The following PPP2R2A variants were observed in gnomAD, a reference collection of about 807,000 sequenced individuals.
PPP2R2A encodes serine/threonine-protein phosphatase 2A 55 kDa regulatory subunit B alpha isoform.
In PPP2R2A, 9 loss-of-function variants were observed where a neutral mutation model predicts 53.2. The ratio of observed to expected loss-of-function variants is 0.17; its 90% CI spans 0.10 to 0.30. PPP2R2A has a LOEUF of 0.30. PPP2R2A is among the 10% of genes least tolerant of loss of function. The pLI is 1.00. For missense variants in PPP2R2A, 235 were observed against 534.6 expected (o/e 0.44, Z 5.53); for synonymous variants, 169 against 174.2 (o/e 0.97, Z 0.23).
intron 2 of PPP2R2A, among the ~76,000 whole-genome samples, chr8:26,299,433 ATTATC>A (rs1164495561): frequency 3.3e-5 from 5 of 152,332 alleles, no homozygotes; most frequent in Admixed American, 1.3e-4. Context: ...ATTTTAGGAT[ATTATC>A]TTATAAAGTC....
At chr8:26,363,112 C>G in intron 7 of PPP2R2A, 1 of 294,018 alleles carries the variant, frequency 3.4e-6, no homozygotes, top group Non-Finnish European at 6.3e-6. Flanking sequence ...CGGTTGGGCT[C>G]TGTAACCTTG....
intron 2 of PPP2R2A, among the ~76,000 whole-genome samples, chr8:26,313,953 AC>A (rs1802415486): frequency 2.0e-5 from 3 of 152,212 alleles, no homozygotes; most frequent in Non-Finnish European, 4.4e-5. Flanking sequence ...TAGGAAACTC[AC>A]GCAGGAGTGG....
chr8:26,361,630 CA>C (rs1805089082), intron 6 of PPP2R2A, among the ~76,000 whole-genome samples: 1 of 151,868 alleles, frequency 6.6e-6, no homozygotes, highest in East Asian at 1.9e-4. Context: ...TTCTTCTAAT[CA>C]AATGTATGAA....
At chr8:26,315,938 T>C (rs549911244) in intron 2 of PPP2R2A, among the ~76,000 whole-genome samples, 2 of 152,334 alleles carry the variant, frequency 1.3e-5, no homozygotes, top group African/African-American at 4.8e-5. Context: ...TTCTATGCAA[T>C]AGAAAAGGGG....
At chr8:26,305,653 T>C (rs1158456326) in intron 2 of PPP2R2A, among the ~76,000 whole-genome samples, 2 of 152,148 alleles carry the variant, frequency 1.3e-5, no homozygotes, top group Non-Finnish European at 2.9e-5. Context: ...TGGAGGTCCA[T>C]TTTATTGAAA....
chr8:26,308,118 G>A (rs981633363), intron 2 of PPP2R2A, among the ~76,000 whole-genome samples: 3 of 152,196 alleles, frequency 2.0e-5, no homozygotes, highest in African/African-American at 7.2e-5. Context: ...AAACAACAGT[G>A]TACATGACAA....
In PPP2R2A at chr8:26,372,244, T is replaced by C. The variant is rs552198352; in HGVS notation, c.*1831T>C. On this transcript the variant is annotated 3_prime_UTR_variant, in exon 10 of 10. Coordinates refer to ENST00000380737, the MANE Select transcript of PPP2R2A (RefSeq NM_002717.4). ...ACTTTTACTAATTTATTTGGGGATC[T>C]TGGGTACATTCTTAATTTGTGTTTA... 2 of 152,334 alleles carry C rather than the reference T, an allele frequency of 1.3e-5. No homozygotes were observed. Among genetic ancestry groups the C allele is most frequent in the South Asian group, 4.1e-4 (2 of 4,830 alleles). The allele number at this position is 152,334 out of a possible 1,614,324, so 9.4% of individuals were successfully genotyped here.
chr8:26,293,655 T>A lies in PPP2R2A; in HGVS notation c.8-11T>A, dbSNP rs760886900. 4 of 1,608,718 alleles carry A rather than the reference T, an allele frequency of 2.5e-6. No homozygotes were observed. In the African/African-American group the frequency reaches 5.4e-5, roughly 22 times the overall value. On this transcript the variant is annotated splice_polypyrimidine_tract_variant and intron_variant, in intron 1 of 9. Coordinates refer to ENST00000380737, the MANE Select transcript of PPP2R2A (RefSeq NM_002717.4). ...GAACTCGGTTTTAATTGGTATGTTT[T>A]CTTTTTCCAGGAGCTGGAGGAGGGA...
intron 2 of PPP2R2A, among the ~76,000 whole-genome samples, chr8:26,331,257 A>T (rs750323713): frequency 6.6e-6 from 1 of 152,132 alleles, no homozygotes; most frequent in Non-Finnish European, 1.5e-5. Context: ...AGAGTATCCA[A>T]CCCACATTCA....
intron 2 of PPP2R2A, among the ~76,000 whole-genome samples, chr8:26,295,631 GGTT>G (rs1314075307): frequency 6.6e-6 from 1 of 152,152 alleles, no homozygotes; most frequent in African/African-American, 2.4e-5. Flanking sequence ...TTTCTTTAGA[GGTT>G]GTTAAATATT....
intron 2 of PPP2R2A, among the ~76,000 whole-genome samples, chr8:26,313,186 A>C (rs1304520929): frequency 2.6e-5 from 4 of 151,706 alleles, no homozygotes; most frequent in African/African-American, 9.7e-5. Flanking sequence ...GATGCGCGCC[A>C]CCATGCCTGG....
At chr8:26,323,726 C>T (rs1802953465) in intron 2 of PPP2R2A, among the ~76,000 whole-genome samples, 1 of 152,162 alleles carries the variant, frequency 6.6e-6, no homozygotes, top group South Asian at 2.1e-4. Flanking sequence ...AGTGCGCCAC[C>T]TACGCAGCTC....
At chr8:26,342,839 T>C (rs1804010850) in intron 3 of PPP2R2A, among the ~76,000 whole-genome samples, 1 of 152,190 alleles carries the variant, frequency 6.6e-6, no homozygotes, top group Non-Finnish European at 1.5e-5. Context: ...GTATTGTTAA[T>C]ATGATAGTAT....
intron 3 of PPP2R2A, among the ~76,000 whole-genome samples, chr8:26,349,672 A>G (rs1799869988): frequency 1.3e-5 from 2 of 152,212 alleles, no homozygotes. Context: ...CATAGCAAAC[A>G]TTTAGGTCAA....
At chr8:26,334,473 C>T (rs1384148896) in intron 2 of PPP2R2A, among the ~76,000 whole-genome samples, 2 of 152,144 alleles carry the variant, frequency 1.3e-5, no homozygotes, top group South Asian at 2.1e-4. Context: ...CGGCCAGGTA[C>T]GGTGGCTCAC....
At chr8:26,291,886 T>A in intron 1 of PPP2R2A, 60 bp downstream of exon 1, 1 of 1,479,632 alleles carries the variant, frequency 6.8e-7, no homozygotes, top group Non-Finnish European at 9.1e-7. Flanking sequence ...CCTCCCTCCA[T>A]CACCCCCTAG....
intron 3 of PPP2R2A, among the ~76,000 whole-genome samples, chr8:26,344,015 T>C (rs1444174690): frequency 6.6e-6 from 1 of 152,070 alleles, no homozygotes. Flanking sequence ...GCAGTCTCCT[T>C]TTGCCAGCTG....
chr8:26,325,029 A>G (rs113540947), intron 2 of PPP2R2A, among the ~76,000 whole-genome samples: 25 of 150,010 alleles, frequency 1.7e-4, no homozygotes, highest in African/African-American at 5.9e-4. Flanking sequence ...CTCAGATGCA[A>G]CTTTGTACTG....
chr8:26,346,571 C>CT (rs1410851587), intron 3 of PPP2R2A, among the ~76,000 whole-genome samples: 1 of 152,198 alleles, frequency 6.6e-6, no homozygotes, highest in Non-Finnish European at 1.5e-5. Flanking sequence ...ATGATGAACT[C>CT]TGCTAGTCTT....
Sources: allele counts gnomAD v4.1 joint callset (sites outside exome capture counted in the v4.1 genomes callset), GRCh38; gene constraint gnomAD v4.1.1; transcripts MANE v1.5; gene names NCBI Gene and HGNC (gene_info 2026-07-23, HGNC 2026-07-21).